MTUS1: variants seen among roughly 807,000 people sequenced by gnomAD.
MTUS1 encodes microtubule associated scaffold protein 1, also known as microtubule-associated tumor suppressor 1.
A neutral mutation model predicts 120.8 loss-of-function variants in MTUS1; 109 were observed. The observed-to-expected ratio is 0.90, with a 90% CI of 0.77 to 1.06. MTUS1 has a LOEUF of 1.06. Ranked by LOEUF, MTUS1 falls within the 50% of genes least tolerant of loss-of-function variation. MTUS1 has a pLI of 0.00. For missense variants in MTUS1, 2,210 were observed against 1,486.3 expected, an observed-to-expected ratio of 1.49 and a Z score of -8.01; for synonymous variants, 737 against 550.5, an observed-to-expected ratio of 1.34 and a Z score of -4.74.
intron 5 of MTUS1, 78 bp downstream of exon 5, chr8:17,715,689 T>C (rs1168858895): frequency 7.2e-7 from 1 of 1,380,586 alleles, no homozygotes; most frequent in Non-Finnish European, 9.9e-7. Flanking sequence ...TAAACCTAAT[T>C]GTCAAAATTT....
At chr8:17,717,430 C>G (rs1056078407) in intron 4 of MTUS1, among the ~76,000 whole-genome samples, 1 of 152,130 alleles carries the variant, frequency 6.6e-6, no homozygotes, top group Non-Finnish European at 1.5e-5. Flanking sequence ...TTAGCTTTTG[C>G]TGAATCAAAT....
chr8:17,735,869 C>G (rs2046889643), intron 3 of MTUS1, among the ~76,000 whole-genome samples: 1 of 152,164 alleles, frequency 6.6e-6, no homozygotes, highest in Non-Finnish European at 1.5e-5. Context: ...TAGAAGGAGA[C>G]AGACATGTAA....
intron 7 of MTUS1, among the ~76,000 whole-genome samples, chr8:17,680,084 A>G (rs1218954326): frequency 6.6e-6 from 1 of 152,164 alleles, no homozygotes; most frequent in Admixed American, 6.5e-5. Flanking sequence ...CTCTAATATA[A>G]CACAGACAAT....
At chr8:17,657,450 C>A (rs906211213) in intron 8 of MTUS1, among the ~76,000 whole-genome samples, 13 of 149,964 alleles carry the variant, frequency 8.7e-5, no homozygotes, top group Non-Finnish European at 5.9e-5. Context: ...CGCCTGTAGT[C>A]CCAGCTACTT....
intron 2 of MTUS1, among the ~76,000 whole-genome samples, chr8:17,751,519 A>AGTTCT (rs1230416509): frequency 6.6e-6 from 1 of 152,120 alleles, no homozygotes; most frequent in Non-Finnish European, 1.5e-5. Flanking sequence ...AATGTGCAAG[A>AGTTCT]GGTAAACTAG....
intron 6 of MTUS1, among the ~76,000 whole-genome samples, chr8:17,701,808 CA>C (rs1819150409): frequency 6.6e-6 from 1 of 152,128 alleles, no homozygotes; most frequent in Non-Finnish European, 1.5e-5. Context: ...TTTGGCCTCC[CA>C]AAGTGCTGGG....
Position 17,753,928 on chromosome 8 carries a change from G to A in MTUS1, c.1880C>T (p.Thr627Ile). 6.2e-7 allele frequency: 1 copy of A among 1,614,096 alleles called. No individual in the cohort carries two copies. The highest frequency in any genetic ancestry group is 8.5e-7 in the Non-Finnish European group (1 of 1,180,026). The change falls in exon 2 of 15, where the codon ACC becomes ATC. Residue 627 changes from threonine to isoleucine, a missense_variant. Transcript: ENST00000693296. ...CTGAAACAACGCAGAAACGGACCCG[G>A]TCTCGCATGCTGAGTTAGAAGAACT... ...KASSSNSACETGSVSALFQKI... is the reference protein window; with the variant it reads ...KASSSNSACEIGSVSALFQKI...
chr8:17,662,512 C>T (rs967206522), intron 8 of MTUS1, among the ~76,000 whole-genome samples: 12 of 151,730 alleles, frequency 7.9e-5, no homozygotes, highest in Non-Finnish European at 1.6e-4. Flanking sequence ...CACACCACCA[C>T]ACTTGGCTAA....
At chr8:17,775,704 T>C (rs1161699312) in intron 1 of MTUS1, among the ~76,000 whole-genome samples, 1 of 152,262 alleles carries the variant, frequency 6.6e-6, no homozygotes. Flanking sequence ...GTTTTCGATG[T>C]AGCTGTTTAG....
At chr8:17,741,313 A>G (rs1473329684) in intron 3 of MTUS1, among the ~76,000 whole-genome samples, 2 of 152,194 alleles carry the variant, frequency 1.3e-5, no homozygotes, top group Non-Finnish European at 2.9e-5. Flanking sequence ...GGGCTTCAAC[A>G]TATTAATGTA....
rs138713013 is a variant in MTUS1, at chr8:17,755,017, C to T, written c.791G>A (p.Cys264Tyr). ...GGTGACCTTTCCTGAAGAACATGCA[C>T]ACTGATTTCCAATATCTGAAACAAA... is the stretch of plus-strand genomic sequence containing the variant. ...EVFVSDIGNQ[C>Y]ACSSGKVTSE... The change falls in exon 2 of 15, where the codon TGT becomes TAT. Residue 264 changes from cysteine to tyrosine, a missense_variant. By Grantham distance (194) the Cys-to-Tyr change is radical (BLOSUM62 -2). Transcript: ENST00000693296. The T allele has an allele frequency of 3.8e-4, 619 of 1,614,024 alleles. 4 individuals carry two copies. In the East Asian group the frequency reaches 0.013, roughly 33 times the overall value.
At chr8:17,725,125 A>G (rs1053907510) in intron 3 of MTUS1, among the ~76,000 whole-genome samples, 19 of 152,152 alleles carry the variant, frequency 1.2e-4, no homozygotes, top group Middle Eastern at 3.4e-3. Flanking sequence ...CCAGATCCCC[A>G]TATATTCTAG....
rs1034251498 is a variant in MTUS1 at position 17,713,641 on chromosome 8, G to A, written c.2585-389C>T. On this transcript the variant is annotated intron_variant, in intron 5 of 14. Transcript: ENST00000693296. ...GACTTCACGAAGGACAGTCACTCCC[G>A]TGTGCTTTCCGAAACTACCCGTTTC... 3.3e-5 allele frequency among the ~76,000 whole-genome samples: 5 copies of A among 152,252 alleles called. No homozygotes were observed. The East Asian group carries it at 5.8e-4, about 18-fold the overall frequency.
chr8:17,713,370 C>A (rs963264412), intron 5 of MTUS1, 118 bp from the exon 6 acceptor site: 12 of 629,432 alleles, frequency 1.9e-5, no homozygotes, highest in South Asian at 9.5e-5. Context: ...TTCAGGTTCC[C>A]GGTGGGAAAT....
intron 1 of MTUS1, among the ~76,000 whole-genome samples, chr8:17,773,526 T>C (rs2050171043): frequency 6.6e-6 from 1 of 152,194 alleles, no homozygotes. Context: ...AGCTCAGGGT[T>C]CTGCAGGCTT....
intron 3 of MTUS1, among the ~76,000 whole-genome samples, chr8:17,739,734 G>T (rs2047176494): frequency 6.6e-6 from 1 of 152,136 alleles, no homozygotes; most frequent in South Asian, 2.1e-4. Flanking sequence ...ATTTATAGAT[G>T]AAATTACTAA....
chr8:17,672,654 A>T (rs1449050243), intron 8 of MTUS1, among the ~76,000 whole-genome samples: 1 of 152,150 alleles, frequency 6.6e-6, no homozygotes, highest in African/African-American at 2.4e-5. Flanking sequence ...CAAACGGAGA[A>T]CGGTTACCAT....
At chr8:17,768,786 A>G (rs953368256) in intron 1 of MTUS1, among the ~76,000 whole-genome samples, 4 of 152,312 alleles carry the variant, frequency 2.6e-5, no homozygotes, top group Admixed American at 2.0e-4. Flanking sequence ...CCTGGTGGGC[A>G]GACAGCATTC....
chr8:17,670,984 G>C (rs1811899265), intron 8 of MTUS1, among the ~76,000 whole-genome samples: 1 of 152,158 alleles, frequency 6.6e-6, no homozygotes, highest in African/African-American at 2.4e-5. Flanking sequence ...TTTGCTTCTA[G>C]GGGGAGGGGT....
Sources: allele counts gnomAD v4.1 joint callset (sites outside exome capture counted in the v4.1 genomes callset), GRCh38; gene constraint gnomAD v4.1.1; transcripts MANE v1.5; gene names NCBI Gene and HGNC (gene_info 2026-07-23, HGNC 2026-07-21).